Variants in ALMS1 observed in about 807,000 individuals in gnomAD.
ALMS1 encodes the protein centrosome-associated protein ALMS1.
Under a neutral mutation model 352.2 loss-of-function variants are expected in ALMS1, and 271 were observed. The observed-to-expected ratio is 0.77, with a 90% CI of 0.70 to 0.85. The LOEUF is 0.85. Among genes scored for constraint, ALMS1 ranks in the 40% least tolerant of loss-of-function variants. The pLI, the probability that ALMS1 is intolerant of heterozygous loss-of-function variation, is 0.00. For missense variants in ALMS1, 5,445 were observed against 4,870.7 expected (o/e 1.12, Z -3.51); for synonymous variants, 1,865 against 1,761.2 (o/e 1.06, Z -1.48).
At chr2:73,443,478 C>T (rs1195672588) in intron 7 of ALMS1, among the ~76,000 whole-genome samples, 1 of 152,090 alleles carries the variant, frequency 6.6e-6, no homozygotes, top group African/African-American at 2.4e-5. Context: ...CACTGTTCAC[C>T]ATGACTCTTT....
intron 16 of ALMS1, among the ~76,000 whole-genome samples, chr2:73,574,699 G>A (rs1675016060): frequency 6.6e-6 from 1 of 152,084 alleles, no homozygotes; most frequent in East Asian, 1.9e-4. Flanking sequence ...TACAGAGTAA[G>A]GCTTTTGTTC....
chr2:73,471,361 T>G (rs974140877), intron 9 of ALMS1, among the ~76,000 whole-genome samples: 5 of 151,532 alleles, frequency 3.3e-5, no homozygotes, highest in Admixed American at 2.0e-4. Context: ...ATTAAAAAGC[T>G]TTTGCACAGC....
rs1046271130 is a variant in ALMS1 at position 73,448,754 on chromosome 2, G to A, written c.2227G>A (p.Val743Ile). Residue 743 changes from valine (V) to isoleucine (I), a missense_variant, in exon 8 of 23, where the codon GTT becomes ATT. By Grantham distance (29) the Val-to-Ile change is conservative. Transcript: ENST00000613296. ...SHQTEETLTK[V>I]SATPGPADQK... is the part of the protein sequence containing the mutation. ...TCAAACTGAAGAGACTCTTACTAAA[G>A]TTTCAGCCACTCCTGGACCAGCTGA... is the stretch of plus-strand genomic sequence containing the variant. 6.2e-7 allele frequency: 1 copy of A among 1,605,048 alleles called. No homozygotes were observed. Among genetic ancestry groups the A allele is most frequent in the African/African-American group, 1.3e-5 (1 of 74,780 alleles).
intron 12 of ALMS1, among the ~76,000 whole-genome samples, chr2:73,539,199 G>A (rs1453304814): frequency 3.3e-5 from 5 of 152,284 alleles, no homozygotes; most frequent in Non-Finnish European, 7.4e-5. Flanking sequence ...TCAGAGGAAC[G>A]ATCAGGCGGC....
At chr2:73,486,988 G>A (rs10207271) in intron 9 of ALMS1, among the ~76,000 whole-genome samples, 20 of 152,270 alleles carry the variant, frequency 1.3e-4, no homozygotes, top group African/African-American at 4.3e-4. Flanking sequence ...CTGGGAGGTC[G>A]TGGCTTCAGT....
rs1039164297 is a variant in ALMS1, at chr2:73,450,915, A to T, written c.4388A>T (p.Asp1463Val). ...GTTTCAGTTGCTCCTGGACCAGTTG[A>T]CCAGACGATTGGCACACCAACTGTA... ...LEVSVAPGPVDQTIGTPTVTS... is the reference protein window; with the variant it reads ...LEVSVAPGPVVQTIGTPTVTS... Residue 1463 changes from aspartate to valine, a missense_variant, in exon 8 of 23, where the codon GAC becomes GTC. Asp to Val is a radical substitution (Grantham distance 152, BLOSUM62 -3). Coordinates refer to ENST00000613296, the MANE Select transcript of ALMS1 (RefSeq NM_001378454.1). The T allele has an allele frequency of 4.3e-6, 7 of 1,613,770 alleles. No individual in the cohort carries two copies. In the South Asian group the frequency reaches 7.7e-5, roughly 18 times the overall value.
chr2:73,507,741 A>AT (rs1207842471), intron 10 of ALMS1, among the ~76,000 whole-genome samples: 1 of 151,778 alleles, frequency 6.6e-6, no homozygotes, highest in East Asian at 1.9e-4. Context: ...GAATTCGTTG[A>AT]TTTTTTTGGA....
At position 73,449,888 on chromosome 2, in the gene ALMS1, C is replaced by A; in HGVS notation, c.3361C>A (p.Leu1121Met). Residue 1121 changes from leucine to methionine, a missense_variant, in exon 8 of 23, where the codon CTG becomes ATG. Transcript: ENST00000613296. ...LPESHLPKEA[L>M]KISVAPGLAD... Reference sequence around the variant, plus strand: ...AGAGAGTCATCTGCCTAAAGAGGCTCTGAAAATTTCAGTAGCTCCTGGACT... The same window carrying A: ...AGAGAGTCATCTGCCTAAAGAGGCTATGAAAATTTCAGTAGCTCCTGGACT... 6.2e-7 allele frequency: 1 copy of A among 1,613,936 alleles called. No individual in the cohort carries two copies. The highest frequency in any genetic ancestry group is 8.5e-7 in the Non-Finnish European group (1 of 1,179,958).
At chr2:73,559,249 C>A in intron 15 of ALMS1, 107 bp downstream of exon 15, 1 of 1,380,084 alleles carries the variant, frequency 7.2e-7, no homozygotes, top group Non-Finnish European at 9.9e-7. Flanking sequence ...CATGATTAAA[C>A]AAAAATTCCT....
At chr2:73,462,637 C>G (rs191061466) in intron 9 of ALMS1, among the ~76,000 whole-genome samples, 1 of 152,164 alleles carries the variant, frequency 6.6e-6, no homozygotes, top group Non-Finnish European at 1.5e-5. Context: ...GGACTAAATG[C>G]TCCAATTAAA....
intron 7 of ALMS1, among the ~76,000 whole-genome samples, chr2:73,439,075 C>G (rs571652131): frequency 2.4e-4 from 34 of 143,942 alleles, no homozygotes; most frequent in Non-Finnish European, 2.3e-4. Context: ...CTTTCTTCCT[C>G]TTTTTTCTTC....
intron 15 of ALMS1, among the ~76,000 whole-genome samples, chr2:73,562,677 C>G (rs1448739189): frequency 6.6e-6 from 1 of 151,994 alleles, no homozygotes; most frequent in African/African-American, 2.4e-5. Context: ...CACCTGAGGT[C>G]AGGAGTTTGA....
At chr2:73,534,103 T>G (rs1673978410) in intron 11 of ALMS1, among the ~76,000 whole-genome samples, 1 of 152,176 alleles carries the variant, frequency 6.6e-6, no homozygotes, top group Non-Finnish European at 1.5e-5. Flanking sequence ...ATGAATATTT[T>G]TATTATAAAT....
chr2:73,555,044 A>G (rs1192545165), intron 13 of ALMS1, among the ~76,000 whole-genome samples: 3 of 152,338 alleles, frequency 2.0e-5, no homozygotes, highest in East Asian at 1.9e-4. Flanking sequence ...AAATTACACA[A>G]TTGTAATAAT....
At chr2:73,516,621 G>C (rs1673562833) in intron 10 of ALMS1, among the ~76,000 whole-genome samples, 1 of 152,306 alleles carries the variant, frequency 6.6e-6, no homozygotes, top group African/African-American at 2.4e-5. Flanking sequence ...GAGGCTTTCA[G>C]GTGTTTGAAC....
chr2:73,485,968 C>T (rs1572965583), intron 9 of ALMS1, among the ~76,000 whole-genome samples: 1 of 152,156 alleles, frequency 6.6e-6, no homozygotes, highest in Admixed American at 6.5e-5. Context: ...CCTGCGCCCA[C>T]TGTCTGGCAC....
At position 73,449,971 on chromosome 2, in the gene ALMS1, A is replaced by G. The variant is rs534918537; in HGVS notation, c.3444A>G (p.Arg1148=). Residue 1148 remains arginine (R), a synonymous_variant, in exon 8 of 23, where the codon AGA becomes AGG. Coordinates refer to ENST00000613296, the MANE Select transcript of ALMS1 (RefSeq NM_001378454.1). ...CCTCAACTTCCTACTCACAACATAGAGAAAAGCCCAGCATTTTCCACCAGC... is the reference window on the plus strand; with the variant it reads ...CCTCAACTTCCTACTCACAACATAGGGAAAAGCCCAGCATTTTCCACCAGC... The part of the protein sequence containing the change: ...TVTSTSYSQH[R]EKPSIFHQQA... 3.1e-6 allele frequency: 5 copies of G among 1,613,990 alleles called. No individual in the cohort carries two copies. In the African/African-American group the frequency reaches 4.0e-5, roughly 13 times the overall value.
intron 10 of ALMS1, among the ~76,000 whole-genome samples, chr2:73,505,600 C>T (rs1433950748): frequency 4.6e-5 from 7 of 151,618 alleles, no homozygotes; most frequent in Admixed American, 3.3e-4. Flanking sequence ...GTTTAAGTTC[C>T]TTGTTTTCAT....
chr2:73,543,251 AACAAGC>A (rs562352309), intron 12 of ALMS1, among the ~76,000 whole-genome samples: 1,720 of 152,312 alleles, frequency 0.011, 31 homozygotes, highest in African/African-American at 0.038. Flanking sequence ...ACCTGAGAAA[AACAAGC>A]AATGGGGAAA....
Sources: allele counts gnomAD v4.1 joint callset (sites outside exome capture counted in the v4.1 genomes callset), GRCh38; gene constraint gnomAD v4.1.1; transcripts MANE v1.5; gene names NCBI Gene and HGNC (gene_info 2026-07-23, HGNC 2026-07-21).